The following SLCO1B1 variants were observed in gnomAD, a reference collection of about 807,000 sequenced individuals.
SLCO1B1 encodes OATP-2.
Under a neutral mutation model 70.1 loss-of-function variants are expected in SLCO1B1, and 81 were observed. The observed-to-expected ratio is 1.16, with a 90% CI of 0.97 to 1.39. SLCO1B1 has a LOEUF of 1.39. Ranked by LOEUF, SLCO1B1 falls within the 40% of genes most tolerant of loss-of-function variation. The pLI is 0.00. For missense variants in SLCO1B1, 895 were observed against 799.6 expected, an observed-to-expected ratio of 1.12 and a Z score of -1.44; for synonymous variants, 283 against 271.5, an observed-to-expected ratio of 1.04 and a Z score of -0.42.
chr12:21,158,651 G>A (rs1038728735), intron 2 of SLCO1B1, among the ~76,000 whole-genome samples: 8 of 151,960 alleles, frequency 5.3e-5, no homozygotes, highest in Non-Finnish European at 8.8e-5. Flanking sequence ...CCAAGACCAC[G>A]CCATTGCACT....
intron 12 of SLCO1B1, among the ~76,000 whole-genome samples, chr12:21,218,604 A>G (rs112159920): frequency 0.021 from 2,988 of 145,328 alleles, 46 homozygotes; most frequent in Middle Eastern, 0.046. Context: ...CCATCTTAAT[A>G]TAAAATGTTG....
chr12:21,205,649 A>G (rs951747817), intron 10 of SLCO1B1, among the ~76,000 whole-genome samples: 5 of 149,182 alleles, frequency 3.4e-5, no homozygotes, highest in Admixed American at 2.6e-4. Flanking sequence ...GTCACAAGTC[A>G]TGTATTGGCA....
chr12:21,181,299 T>A (rs1268971343), intron 7 of SLCO1B1, among the ~76,000 whole-genome samples: 2 of 152,180 alleles, frequency 1.3e-5, no homozygotes, highest in Admixed American at 1.3e-4. Flanking sequence ...AGCGCGATTA[T>A]GACCCTTAGT....
chr12:21,132,119 G>C (rs543536210), intron 1 of SLCO1B1, among the ~76,000 whole-genome samples: 78 of 152,194 alleles, frequency 5.1e-4, no homozygotes, highest in African/African-American at 1.7e-3. Flanking sequence ...AGTTTGTTGA[G>C]AATGATGGTT....
intron 2 of SLCO1B1, among the ~76,000 whole-genome samples, chr12:21,170,326 T>C (rs999888882): frequency 1.3e-5 from 2 of 152,226 alleles, no homozygotes; most frequent in East Asian, 3.8e-4. Flanking sequence ...GTTTTCACGA[T>C]AGCCTGGAGG....
intron 2 of SLCO1B1, among the ~76,000 whole-genome samples, chr12:21,147,323 C>T (rs1940400935): frequency 6.6e-6 from 1 of 152,156 alleles, no homozygotes; most frequent in Non-Finnish European, 1.5e-5. Flanking sequence ...TTCTGGGATA[C>T]ATGTGCAGAA....
chr12:21,148,859 A>C (rs1470916274), intron 2 of SLCO1B1, among the ~76,000 whole-genome samples: 1 of 152,058 alleles, frequency 6.6e-6, no homozygotes, highest in Non-Finnish European at 1.5e-5. Context: ...CCATGAGCAT[A>C]GAATGTTTTT....
At chr12:21,231,108 A>T (rs1310106958) in intron 14 of SLCO1B1, among the ~76,000 whole-genome samples, 2 of 151,788 alleles carry the variant, frequency 1.3e-5, no homozygotes, top group Non-Finnish European at 2.9e-5. Context: ...TTTGCTGAGA[A>T]TGATGGTTTC....
At chr12:21,137,598 G>A (rs1255196839) in intron 1 of SLCO1B1, among the ~76,000 whole-genome samples, 1 of 152,144 alleles carries the variant, frequency 6.6e-6, no homozygotes, top group Non-Finnish European at 1.5e-5. Flanking sequence ...GGCTGTGCTT[G>A]CAATGAGCGA....
At chr12:21,162,992 A>T (rs1591804686) in intron 2 of SLCO1B1, among the ~76,000 whole-genome samples, 1 of 152,258 alleles carries the variant, frequency 6.6e-6, no homozygotes, top group East Asian at 1.9e-4. Context: ...ATGTTATCAA[A>T]TATTTTTCAA....
intron 7 of SLCO1B1, among the ~76,000 whole-genome samples, chr12:21,187,660 G>C (rs1423861181): frequency 7.2e-6 from 1 of 138,030 alleles, no homozygotes; most frequent in East Asian, 2.7e-4. Context: ...AGATGCTATT[G>C]TTATAGGGAA....
At chr12:21,156,464 A>G (rs753433822) in intron 2 of SLCO1B1, among the ~76,000 whole-genome samples, 5 of 152,152 alleles carry the variant, frequency 3.3e-5, no homozygotes, top group Non-Finnish European at 5.9e-5. Flanking sequence ...TAATCAAATC[A>G]GCACAGAAAT....
Position 21,178,593 on chromosome 12 carries a change from G to A in SLCO1B1, c.499G>A (p.Gly167Arg). ...IVGKGCLKES[G>R]SYMWIYVFMG... ...CTACATAGGTTGTTTAAAGGAATCT[G>A]GGTCATACATGTGGATATATGTGTT... Residue 167 changes from glycine (G) to arginine (R), a missense_variant, in exon 6 of 15, where the codon GGG (glycine) becomes AGG (arginine). Physicochemically the swap from Gly to Arg is moderately radical, Grantham distance 125 (BLOSUM62 -2). Coordinates refer to ENST00000256958, the MANE Select transcript of SLCO1B1 (RefSeq NM_006446.5). 2 of 1,606,884 alleles carry A rather than the reference G, an allele frequency of 1.2e-6. No individual in the cohort carries two copies. The highest frequency in any genetic ancestry group is 1.7e-6 in the Non-Finnish European group (2 of 1,173,652).
At chr12:21,174,803 T>C in intron 4 of SLCO1B1, 94 bp downstream of exon 4, 5 of 1,307,100 alleles carry the variant, frequency 3.8e-6, no homozygotes, top group Non-Finnish European at 5.4e-6. Context: ...AATAGGCAGT[T>C]ACCTTTTGAG....
At chr12:21,186,078 C>T (rs1940958947) in intron 7 of SLCO1B1, among the ~76,000 whole-genome samples, 1 of 151,898 alleles carries the variant, frequency 6.6e-6, no homozygotes, top group South Asian at 2.1e-4. Context: ...AAAAAAAAAG[C>T]CCTGGACCAG....
intron 1 of SLCO1B1, among the ~76,000 whole-genome samples, chr12:21,134,728 T>G (rs950159942): frequency 6.6e-6 from 1 of 152,192 alleles, no homozygotes. Context: ...CTCTGTTTTC[T>G]TCTTTATTAG....
At chr12:21,170,092 T>C (rs1426667257) in intron 2 of SLCO1B1, among the ~76,000 whole-genome samples, 2 of 152,180 alleles carry the variant, frequency 1.3e-5, no homozygotes, top group Non-Finnish European at 2.9e-5. Context: ...CGTGTCTCTG[T>C]CTGGAACTGC....
intron 2 of SLCO1B1, among the ~76,000 whole-genome samples, chr12:21,154,196 G>A (rs1177035068): frequency 6.6e-6 from 1 of 151,976 alleles, no homozygotes; most frequent in Admixed American, 6.6e-5. Flanking sequence ...TGATCTGAAT[G>A]TTTGTTTCCC....
intron 14 of SLCO1B1, among the ~76,000 whole-genome samples, chr12:21,234,953 C>A (rs1276270576): frequency 6.6e-6 from 1 of 151,840 alleles, no homozygotes; most frequent in Non-Finnish European, 1.5e-5. Context: ...TGACTTATGA[C>A]TTAGAATGTG....
Sources: gnomAD v4.1 joint callset for allele counts (sites outside exome capture counted in the v4.1 genomes callset) on GRCh38, gnomAD v4.1.1 for gene constraint, MANE v1.5 for transcripts, NCBI Gene and HGNC (gene_info 2026-07-23, HGNC 2026-07-21) for gene names.